MST1R: variants seen among roughly 807,000 people sequenced by gnomAD.
The protein encoded by MST1R is macrophage-stimulating protein receptor.
A neutral mutation model predicts 117.8 loss-of-function variants in MST1R; 99 were observed. The ratio of observed to expected loss-of-function variants is 0.84; its 90% CI spans 0.71 to 0.99. The LOEUF is 0.99. Ranked by LOEUF, MST1R falls within the 50% of genes least tolerant of loss-of-function variation. The probability of loss-of-function intolerance (pLI) is 0.00; values close to 1 mark genes in which losing one functional copy is unlikely to be tolerated. For synonymous variants in MST1R, 734 were observed against 765.3 expected, an observed-to-expected ratio of 0.96 and a Z score of 0.68; for missense variants, 1,683 against 1,840.2, an observed-to-expected ratio of 0.91 and a Z score of 1.56.
chr3:49,889,961 G>A lies in MST1R; in HGVS notation c.3910C>T (p.Arg1304Trp), dbSNP rs528985327. Residue 1304 changes from arginine (R) to tryptophan (W), a missense_variant, in exon 19 of 20, where the codon CGG becomes TGG. Physicochemically the swap from Arg to Trp is moderately radical, Grantham distance 101. Coordinates refer to ENST00000296474, the MANE Select transcript of MST1R (RefSeq NM_002447.4). ...FDLTHFLAQGRRLPQPEYCPD... is the reference protein window; with the variant it reads ...FDLTHFLAQGWRLPQPEYCPD... ...CAATACTCAGGCTGGGGCAGGCGCC[G>A]ACCCTGGGCCAGGAAGTGGGTAAGG... 2.4e-5 allele frequency: 39 copies of A among 1,614,124 alleles called. No homozygotes were observed. The highest frequency in any genetic ancestry group is 5.5e-5 in the South Asian group (5 of 91,078).
At chr3:49,890,683 T>G in intron 17 of MST1R, 33 bp from the exon 18 acceptor site, 1 of 1,581,448 alleles carries the variant, frequency 6.3e-7, no homozygotes, top group Non-Finnish European at 8.6e-7. Flanking sequence ...CACTTAGGAC[T>G]GGCCCTTACC....
rs56066753 is a variant in MST1R at position 49,887,404 on chromosome 3, T to C, written c.4106A>G (p.His1369Arg). 1.2e-6 allele frequency: 2 copies of C among 1,614,232 alleles called. No individual in the cohort carries two copies. Among genetic ancestry groups the C allele is most frequent in the Non-Finnish European group, 1.7e-6 (2 of 1,180,024 alleles). ...CTGTTCTGGACGCACATTCATCTCA[T>C]GCGAGGTGCTGGGGCCCAAGTTCAT... The part of the protein sequence containing the change: ...TYMNLGPSTS[H>R]EMNVRPEQPQ... The change falls in exon 20 of 20, where the codon CAT (histidine) becomes CGT (arginine). Residue 1369 changes from histidine (H) to arginine (R), a missense_variant. Physicochemically the swap from His to Arg is conservative, Grantham distance 29. Coordinates refer to ENST00000296474, the MANE Select transcript of MST1R (RefSeq NM_002447.4).
intron 7 of MST1R, 47 bp from the exon 8 acceptor site, chr3:49,896,937 C>T: frequency 3.4e-6 from 5 of 1,451,012 alleles, no homozygotes; most frequent in Non-Finnish European, 4.6e-6. Flanking sequence ...TTTGTGATGG[C>T]CAGGCCCACT....
intron 14 of MST1R, among the ~76,000 whole-genome samples, chr3:49,893,110 T>G (rs1454215932): frequency 2.4e-5 from 3 of 126,746 alleles, no homozygotes; most frequent in Admixed American, 1.6e-4. Flanking sequence ...GAAACTCCAT[T>G]TCTACTAAAA....
intron 7 of MST1R, 69 bp from the exon 8 acceptor site, chr3:49,896,959 C>A (rs1477491582): frequency 7.0e-7 from 1 of 1,434,790 alleles, no homozygotes; most frequent in Non-Finnish European, 9.2e-7. Flanking sequence ...CTTCCAGGGG[C>A]CTGTTGACCT....
In MST1R at chr3:49,889,974, G is replaced by A. The variant is rs895287742; in HGVS notation, c.3897C>T (p.Phe1299=). ...GGGGCAGGCGCCGACCCTGGGCCAG[G>A]AAGTGGGTAAGGTCAAAAGGGTCAA... ...RHIDPFDLTH[F]LAQGRRLPQP... Residue 1299 remains phenylalanine, a synonymous_variant, in exon 19 of 20, where the codon TTC becomes TTT. Transcript: ENST00000296474. The A allele has an allele frequency of 6.8e-6, 11 of 1,614,204 alleles. No individual in the cohort carries two copies. The highest frequency in any genetic ancestry group is 9.3e-6 in the Non-Finnish European group (11 of 1,180,026).
chr3:49,897,872 A>T (rs2082535803), intron 5 of MST1R, 179 bp downstream of exon 5: 1 of 1,129,048 alleles, frequency 8.9e-7, no homozygotes, highest in Admixed American at 2.4e-5. Flanking sequence ...AACAGACAGG[A>T]AGGGCACATG....
At position 49,891,324 on chromosome 3, in the gene MST1R, T is replaced by C; in HGVS notation, c.3535-18A>G. 6.2e-7 allele frequency: 1 copy of C among 1,612,422 alleles called. No individual in the cohort carries two copies. The highest frequency in any genetic ancestry group is 8.5e-7 in the Non-Finnish European group (1 of 1,179,638). On this transcript the variant is annotated intron_variant, in intron 16 of 19. Transcript: ENST00000296474. ...GTGGGGTTCTGGGGGCACAGGTGGG[T>C]TGGTGGGCAAGGGCACAGCAGCTCC... is the stretch of plus-strand genomic sequence containing the variant.
chr3:49,897,958 C>T, intron 5 of MST1R, 93 bp downstream of exon 5: 1 of 1,569,444 alleles, frequency 6.4e-7, no homozygotes, highest in Non-Finnish European at 8.7e-7. Context: ...CCCATCCCCC[C>T]TTGCCTCTGA....
At position 49,896,729 on chromosome 3, in the gene MST1R, A is replaced by G. The variant is rs1322954507; in HGVS notation, c.2345T>C (p.Ile782Thr). The change falls in exon 8 of 20, where the codon ATC becomes ACC. Residue 782 changes from isoleucine to threonine, a missense_variant and splice_region_variant. Physicochemically the swap from Ile to Thr is moderately conservative, Grantham distance 89. Transcript: ENST00000296474. ...GAGTGGGCAAAGAGGCAGTGCTTAC[A>G]TGTAGCCACAGTTGGGGCTGATGCT... ...VLSISPNCGY[I>T]NSHITICGQH... 3 of 1,597,670 alleles carry G rather than the reference A, an allele frequency of 1.9e-6. No homozygotes were observed. Among genetic ancestry groups the G allele is most frequent in the Non-Finnish European group, 2.6e-6 (3 of 1,171,182 alleles).
rs775857732 is a variant in MST1R at position 49,891,412 on chromosome 3, C to G, written c.3521G>C (p.Arg1174Pro). Residue 1174 changes from arginine to proline, a missense_variant, in exon 16 of 20, where the codon CGC becomes CCC. Transcript: ENST00000296474. ...MCHGDLLQFI[R>P]SPQRNPTVKD... ...ATGAACACTGACCCGCTGAGGTGAG[C>G]GGATGAACTGGAGCAGGTCACCGTG... 1.2e-6 allele frequency: 2 copies of G among 1,613,842 alleles called. No homozygotes were observed. The highest frequency in any genetic ancestry group is 2.7e-5 in the African/African-American group (2 of 74,936).
At position 49,891,854 on chromosome 3, in the gene MST1R, T is replaced by G. The variant is rs2082325886; in HGVS notation, c.3272-16A>C. On this transcript the variant is annotated splice_polypyrimidine_tract_variant and intron_variant, in intron 14 of 19. Coordinates refer to ENST00000296474, the MANE Select transcript of MST1R (RefSeq NM_002447.4). ...CCAAAGTGGCCTGGTGTGAGGTGCA[T>G]AATGAGTCGATGAGAGGGGATCCAG... 1 of 1,612,912 alleles carries G rather than the reference T, an allele frequency of 6.2e-7. No individual in the cohort carries two copies. Among genetic ancestry groups the G allele is most frequent in the Admixed American group, 1.7e-5 (1 of 60,002 alleles).
In MST1R at chr3:49,902,912, A is replaced by T; in HGVS notation, c.698T>A (p.Val233Glu). Residue 233 changes from valine (V) to glutamate (E), a missense_variant, in exon 1 of 20, where the codon GTG becomes GAG. By Grantham distance (121) the Val-to-Glu change is moderately radical (BLOSUM62 -2). Transcript: ENST00000296474. ...ATGCTTGGGCAGCACTGACAACGCC[A>T]CAAAGCCCGGTGCGAATCCCGAGGC... Reference protein sequence around the residue: ...ADASGFAPGFVALSVLPKHLV... With the variant: ...ADASGFAPGFEALSVLPKHLV... 3.7e-6 allele frequency: 6 copies of T among 1,613,494 alleles called. No homozygotes were observed. The highest frequency in any genetic ancestry group is 5.1e-6 in the Non-Finnish European group (6 of 1,180,038).
chr3:49,888,117 C>A (rs2082215109), intron 19 of MST1R, among the ~76,000 whole-genome samples: 1 of 152,140 alleles, frequency 6.6e-6, no homozygotes, highest in South Asian at 2.1e-4. Flanking sequence ...CATAGTGAAA[C>A]CCCATCTCTA....
chr3:49,901,954 A>AGGGGGGGGGG, intron 1 of MST1R, among the ~76,000 whole-genome samples: 1 of 2,936 alleles, frequency 3.4e-4, no homozygotes, highest in Non-Finnish European at 7.7e-4. Flanking sequence ...GGGGTGGGGG[A>AGGGGGGGGGG]GGGGAGGGGG....
chr3:49,902,142 G>A (rs1240481680), intron 1 of MST1R, among the ~76,000 whole-genome samples: 4 of 152,120 alleles, frequency 2.6e-5, no homozygotes, highest in Non-Finnish European at 5.9e-5. Flanking sequence ...GGGCAGGTAG[G>A]GGAAAGAGCA....
At chr3:49,897,795 C>A in intron 5 of MST1R, 110 bp from the exon 6 acceptor site, 1 of 1,392,826 alleles carries the variant, frequency 7.2e-7, no homozygotes, top group Non-Finnish European at 9.7e-7. Context: ...ATTTCTCCAC[C>A]CATGCCTCCC....
At chr3:49,897,981 A>G (rs539830368) in intron 5 of MST1R, 70 bp downstream of exon 5, 18 of 1,603,832 alleles carry the variant, frequency 1.1e-5, no homozygotes, top group South Asian at 5.5e-5. Flanking sequence ...AGCAGAGAAC[A>G]GGGTCTCATG....
chr3:49,893,000 C>T (rs961038133), intron 14 of MST1R, among the ~76,000 whole-genome samples: 4 of 150,706 alleles, frequency 2.7e-5, no homozygotes, highest in South Asian at 2.1e-4. Flanking sequence ...AAAGCAGGGT[C>T]GGGTGCGATG....
Sources: allele counts gnomAD v4.1 joint callset (sites outside exome capture counted in the v4.1 genomes callset), GRCh38; gene constraint gnomAD v4.1.1; transcripts MANE v1.5; gene names NCBI Gene and HGNC (gene_info 2026-07-23, HGNC 2026-07-21).